Variants in PRKCE observed in about 807,000 individuals in gnomAD.
PRKCE encodes protein kinase C epsilon type.
PRKCE carries 16 observed loss-of-function variants against 85.4 expected under a neutral mutation model. That is an observed-to-expected ratio of 0.19 (90% CI 0.13 to 0.28). PRKCE has a LOEUF of 0.28. Among genes scored for constraint, PRKCE ranks in the 10% least tolerant of loss-of-function variants. The probability of loss-of-function intolerance (pLI) is 1.00; values close to 1 mark genes in which losing one functional copy is unlikely to be tolerated. For missense variants in PRKCE, 573 were observed against 975.2 expected (o/e 0.59, Z 5.49); for synonymous variants, 388 against 371.5 (o/e 1.04, Z -0.51).
chr2:45,778,689 A>G (rs748769423), intron 1 of PRKCE, among the ~76,000 whole-genome samples: 1 of 152,122 alleles, frequency 6.6e-6, no homozygotes, highest in African/African-American at 2.4e-5. Context: ...TTAATATAGA[A>G]ATTTCCTCCT....
At chr2:45,793,868 C>T (rs1314220952) in intron 1 of PRKCE, among the ~76,000 whole-genome samples, 1 of 152,154 alleles carries the variant, frequency 6.6e-6, no homozygotes, top group Admixed American at 6.5e-5. Flanking sequence ...TAGCCAGGAA[C>T]AAAGGACTCT....
intron 1 of PRKCE, among the ~76,000 whole-genome samples, chr2:45,808,601 C>G (rs1688424072): frequency 6.6e-6 from 1 of 152,220 alleles, no homozygotes. Context: ...TGCCAGGGAG[C>G]TGCCAGGATC....
At chr2:45,978,943 C>T (rs1558912861) in intron 3 of PRKCE, 33 bp from the exon 4 acceptor site, 15 of 1,595,666 alleles carry the variant, frequency 9.4e-6, no homozygotes, top group Non-Finnish European at 1.3e-5. Context: ...TAAGATTTCA[C>T]TTTTTTTAAA....
intron 1 of PRKCE, among the ~76,000 whole-genome samples, chr2:45,739,398 C>G (rs1682358639): frequency 6.6e-6 from 1 of 152,198 alleles, no homozygotes; most frequent in African/African-American, 2.4e-5. Flanking sequence ...CAGCTGTTGA[C>G]TCAGTCGCAA....
At chr2:45,885,036 A>C (rs937433906) in intron 2 of PRKCE, among the ~76,000 whole-genome samples, 1 of 136,104 alleles carries the variant, frequency 7.3e-6, no homozygotes, top group Admixed American at 7.9e-5. Flanking sequence ...CCAAGAGCTC[A>C]AGTGAAAATC....
chr2:45,749,934 C>T (rs1017170864), intron 1 of PRKCE, among the ~76,000 whole-genome samples: 10 of 152,186 alleles, frequency 6.6e-5, no homozygotes, highest in Admixed American at 5.2e-4. Flanking sequence ...TCAAGAACTG[C>T]ATAAAAGGAT....
intron 2 of PRKCE, among the ~76,000 whole-genome samples, chr2:45,918,048 C>T (rs564306872): frequency 1.3e-5 from 2 of 152,342 alleles, no homozygotes; most frequent in South Asian, 2.1e-4. Flanking sequence ...TTCCCGCTGG[C>T]GCCTCTCCCT....
At chr2:45,829,807 C>G (rs1410478883) in intron 1 of PRKCE, among the ~76,000 whole-genome samples, 2 of 152,066 alleles carry the variant, frequency 1.3e-5, no homozygotes, top group Non-Finnish European at 2.9e-5. Context: ...GGCGCGGTGG[C>G]TCACGCCTGT....
intron 2 of PRKCE, among the ~76,000 whole-genome samples, chr2:45,969,534 C>A (rs1032008927): frequency 2.0e-5 from 3 of 152,142 alleles, no homozygotes; most frequent in African/African-American, 7.2e-5. Context: ...GCGGGCCCAG[C>A]GTTTACTCAG....
chr2:46,139,248 A>T lies in PRKCE; in HGVS notation c.1593-5845A>T, dbSNP rs183761772. 6.6e-6 allele frequency among the ~76,000 whole-genome samples: 1 copy of T among 152,360 alleles called. No individual in the cohort carries two copies. The highest frequency in any genetic ancestry group is 6.5e-5 in the Admixed American group (1 of 15,306). ...AAAAGGAAGAGGTAAATTAATCATT[A>T]ATAGCAGACAATTTGAAAAATCCAG... On this transcript the variant is annotated intron_variant, in intron 11 of 14. Coordinates refer to ENST00000306156, the MANE Select transcript of PRKCE (RefSeq NM_005400.3). The surrounding 1 kb of genome is among the most constrained non-coding windows in gnomAD (Gnocchi z 5.2).
chr2:46,061,104 CTTTTTTTTTTT>C (rs565280374), intron 10 of PRKCE, among the ~76,000 whole-genome samples: 3 of 103,494 alleles, frequency 2.9e-5, no homozygotes, highest in South Asian at 7.1e-4. Flanking sequence ...CTTTTTTTTC[CTTTTTTTTTTT>C]TTTTTTTTTT....
At chr2:45,878,906 T>C (rs1383037124) in intron 2 of PRKCE, among the ~76,000 whole-genome samples, 1 of 152,092 alleles carries the variant, frequency 6.6e-6, no homozygotes, top group African/African-American at 2.4e-5. Context: ...ACTTTCTCTC[T>C]GTGGATTTGC....
chr2:46,022,469 G>A (rs1706749029), intron 10 of PRKCE, among the ~76,000 whole-genome samples: 1 of 152,114 alleles, frequency 6.6e-6, no homozygotes, highest in South Asian at 2.1e-4. Flanking sequence ...TTTCTACAGG[G>A]AAAGTCACAT....
At chr2:45,954,348 T>G (rs966130261) in intron 2 of PRKCE, among the ~76,000 whole-genome samples, 2 of 152,240 alleles carry the variant, frequency 1.3e-5, no homozygotes, top group Non-Finnish European at 2.9e-5. Context: ...GACAATTTTC[T>G]TGTGATCAAA....
chr2:46,090,385 T>C (rs1403993187), intron 11 of PRKCE, among the ~76,000 whole-genome samples: 1 of 152,126 alleles, frequency 6.6e-6, no homozygotes, highest in Non-Finnish European at 1.5e-5. Flanking sequence ...CATGACAGTC[T>C]CTTTATTGTG....
chr2:45,983,999 A>C (rs910414767), intron 5 of PRKCE, among the ~76,000 whole-genome samples: 2 of 135,964 alleles, frequency 1.5e-5, no homozygotes, highest in African/African-American at 5.7e-5. Flanking sequence ...GTGCAGTGGG[A>C]TGATCTTGGC....
chr2:45,911,668 G>A (rs57810197), intron 2 of PRKCE, among the ~76,000 whole-genome samples: 1 of 152,110 alleles, frequency 6.6e-6, no homozygotes, highest in Non-Finnish European at 1.5e-5. Flanking sequence ...AGATAACTGA[G>A]TTGGTCATGT....
intron 2 of PRKCE, among the ~76,000 whole-genome samples, chr2:45,955,940 C>T (rs1299782484): frequency 1.3e-5 from 2 of 152,192 alleles, no homozygotes; most frequent in South Asian, 2.1e-4. Flanking sequence ...CAAATTCTCC[C>T]GTTATCTTTC....
intron 2 of PRKCE, among the ~76,000 whole-genome samples, 189 bp from the exon 3 acceptor site, chr2:45,976,240 A>G (rs1702444496): frequency 6.6e-6 from 1 of 152,136 alleles, no homozygotes; most frequent in Admixed American, 6.5e-5. Context: ...TTTCCACCCT[A>G]CATGTGCTCG....
Sources: allele counts gnomAD v4.1 joint callset (sites outside exome capture counted in the v4.1 genomes callset), GRCh38; gene constraint gnomAD v4.1.1; non-coding constraint Gnocchi (gnomAD v3.1); transcripts MANE v1.5; gene names NCBI Gene and HGNC (gene_info 2026-07-23, HGNC 2026-07-21).